Variants in KIAA0825 observed in about 807,000 individuals in gnomAD.
The protein encoded by KIAA0825 is KIAA0825.
A neutral mutation model predicts 147.6 loss-of-function variants in KIAA0825; 119 were observed. The ratio of observed to expected loss-of-function variants is 0.81; its 90% CI spans 0.69 to 0.94. The LOEUF (loss-of-function observed/expected upper bound fraction) is 0.94, where lower values mean the gene tolerates loss of function less well. Among genes scored for constraint, KIAA0825 ranks in the 40% least tolerant of loss-of-function variants. KIAA0825 has a pLI of 0.00. For synonymous variants in KIAA0825, 470 were observed against 518.1 expected (o/e 0.91, Z 1.26); for missense variants, 1,381 against 1,472.7 (o/e 0.94, Z 1.02).
intron 1 of KIAA0825, among the ~76,000 whole-genome samples, chr5:94,608,475 ATATATATATATATATAATT>A (rs1561389897): frequency 1.8e-4 from 2 of 10,858 alleles, no homozygotes; most frequent in Non-Finnish European, 3.2e-4. Flanking sequence ...TATATATATA[ATATATATATATATATAATT>A]ATATATATAT....
intron 1 of KIAA0825, among the ~76,000 whole-genome samples, chr5:94,595,123 T>C (rs190627610): frequency 1.3e-5 from 2 of 152,266 alleles, no homozygotes; most frequent in Non-Finnish European, 2.9e-5. Flanking sequence ...GGTGGCTCTC[T>C]TCTCACAGTT....
intron 5 of KIAA0825, among the ~76,000 whole-genome samples, chr5:94,509,042 AGAT>A (rs1766126295): frequency 6.6e-6 from 1 of 152,222 alleles, no homozygotes; most frequent in Admixed American, 6.5e-5. Context: ...TGTCTTATCA[AGAT>A]GATACTTGAA....
At chr5:94,577,177 T>C (rs1180976497) in intron 2 of KIAA0825, among the ~76,000 whole-genome samples, 1 of 152,176 alleles carries the variant, frequency 6.6e-6, no homozygotes, top group Non-Finnish European at 1.5e-5. Flanking sequence ...AAAAGAGACA[T>C]TTATGATCAT....
chr5:94,532,722 A>G (rs1000799452), intron 3 of KIAA0825, among the ~76,000 whole-genome samples: 1 of 144,908 alleles, frequency 6.9e-6, no homozygotes, highest in Non-Finnish European at 1.5e-5. Flanking sequence ...TTCAGTAGAG[A>G]TGGGGTATTG....
intron 20 of KIAA0825, among the ~76,000 whole-genome samples, chr5:94,162,300 G>A (rs1331552511): frequency 3.3e-5 from 5 of 152,060 alleles, no homozygotes; most frequent in African/African-American, 1.2e-4. Flanking sequence ...GAAAGTATTT[G>A]GTTATGATTT....
At chr5:94,331,083 C>G (rs540073091) in intron 20 of KIAA0825, among the ~76,000 whole-genome samples, 1 of 149,384 alleles carries the variant, frequency 6.7e-6, no homozygotes, top group East Asian at 2.0e-4. Flanking sequence ...AGTTGCAGTC[C>G]AAGATCATGC....
At position 94,593,286 on chromosome 5, in the gene KIAA0825, G is replaced by A. The variant is rs1465792811; in HGVS notation, c.-152-10703C>T. 4 of 775,636 alleles carry A rather than the reference G, an allele frequency of 5.2e-6. No homozygotes were observed. The East Asian group carries it at 9.8e-5, about 19-fold the overall frequency. The allele number at this position is 775,636 out of a possible 1,614,324, so 48.0% of individuals were successfully genotyped here. A position where few individuals can be genotyped will look rare whatever the true frequency, so the allele number is the denominator to read the frequency against. On this transcript the variant is annotated intron_variant, in intron 1 of 20. Coordinates refer to ENST00000682413, the MANE Select transcript of KIAA0825 (RefSeq NM_001145678.3). Reference sequence around the variant, plus strand: ...AGCATTTGTATTTTAGTCCATTAATGGGAAAAATAGCTGATATTGTCCATA... The same window carrying A: ...AGCATTTGTATTTTAGTCCATTAATAGGAAAAATAGCTGATATTGTCCATA...
chr5:94,199,774 C>T (rs1320780438), intron 20 of KIAA0825, among the ~76,000 whole-genome samples: 2 of 151,898 alleles, frequency 1.3e-5, no homozygotes, highest in Non-Finnish European at 2.9e-5. Flanking sequence ...TGCATGCTGG[C>T]GGGGGAGGCT....
intron 20 of KIAA0825, among the ~76,000 whole-genome samples, chr5:94,255,267 A>G (rs530314600): frequency 6.9e-4 from 105 of 151,996 alleles, no homozygotes; most frequent in African/African-American, 2.3e-3. Flanking sequence ...GATTTTTCCT[A>G]TTGGGCCTGT....
chr5:94,365,846 TGG>T (rs1343317280), intron 20 of KIAA0825, among the ~76,000 whole-genome samples: 1 of 152,240 alleles, frequency 6.6e-6, no homozygotes, highest in African/African-American at 2.4e-5. Flanking sequence ...GTCACGCAGC[TGG>T]AGGCTGCAAG....
At chr5:94,419,070 C>A (rs769133008) in intron 14 of KIAA0825, among the ~76,000 whole-genome samples, 66 of 151,958 alleles carry the variant, frequency 4.3e-4, no homozygotes, top group Non-Finnish European at 8.4e-4. Flanking sequence ...GAGATGGGGT[C>A]TTGCTCTGTT....
chr5:94,320,147 G>A (rs1254057923), intron 20 of KIAA0825, among the ~76,000 whole-genome samples: 5 of 151,994 alleles, frequency 3.3e-5, no homozygotes, highest in Middle Eastern at 6.8e-3. Flanking sequence ...CCCTATATCT[G>A]TATGGGCTTT....
At chr5:94,542,136 C>T (rs1478419781) in intron 2 of KIAA0825, among the ~76,000 whole-genome samples, 3 of 152,122 alleles carry the variant, frequency 2.0e-5, no homozygotes, top group Non-Finnish European at 4.4e-5. Context: ...AGCAGATGTT[C>T]TTGAATGCAG....
At chr5:94,499,830 T>C (rs1263928596) in intron 5 of KIAA0825, among the ~76,000 whole-genome samples, 1 of 152,182 alleles carries the variant, frequency 6.6e-6, no homozygotes, top group East Asian at 1.9e-4. Flanking sequence ...ATTCTTGTCC[T>C]TAAGGTGCTT....
chr5:94,168,470 T>C (rs1288450545), intron 20 of KIAA0825, among the ~76,000 whole-genome samples: 2 of 152,202 alleles, frequency 1.3e-5, no homozygotes, highest in African/African-American at 2.4e-5. Context: ...AGGAGAGTTA[T>C]ATACCAACAA....
At chr5:94,399,595 C>T (rs1751116289) in intron 16 of KIAA0825, among the ~76,000 whole-genome samples, 1 of 152,050 alleles carries the variant, frequency 6.6e-6, no homozygotes, top group Non-Finnish European at 1.5e-5. Flanking sequence ...AGGGAAGGAT[C>T]TTTTAAGACT....
intron 5 of KIAA0825, among the ~76,000 whole-genome samples, chr5:94,504,394 C>A (rs1239584723): frequency 1.3e-5 from 2 of 152,106 alleles, no homozygotes; most frequent in Admixed American, 1.3e-4. Context: ...GCCCAGATGC[C>A]CAGTTTTATC....
In KIAA0825 at chr5:94,469,948, C is replaced by G. The variant is rs1372357399; in HGVS notation, c.1872+13G>C. On this transcript the variant is annotated intron_variant, in intron 10 of 20. Coordinates refer to ENST00000682413, the MANE Select transcript of KIAA0825 (RefSeq NM_001145678.3). ...TTGTGTAAAAAGGAGGGATAGTAAA[C>G]TTAACTTCACACCTCATAAAAAGCT... 6.5e-7 allele frequency: 1 copy of G among 1,533,602 alleles called. No homozygotes were observed. The highest frequency in any genetic ancestry group is 8.8e-7 in the Non-Finnish European group (1 of 1,136,882). 95.0% of individuals were successfully genotyped at this position (1,533,602 alleles called of 1,614,324 possible). A position where few individuals can be genotyped will look rare whatever the true frequency, so the allele number is the denominator to read the frequency against.
chr5:94,314,144 A>T (rs2150216962), intron 20 of KIAA0825, among the ~76,000 whole-genome samples: 1 of 151,650 alleles, frequency 6.6e-6, no homozygotes, highest in South Asian at 2.1e-4. Flanking sequence ...ACACATACAC[A>T]TATGCTGTAA....
Sources: allele counts gnomAD v4.1 joint callset (sites outside exome capture counted in the v4.1 genomes callset), GRCh38; gene constraint gnomAD v4.1.1; transcripts MANE v1.5; gene names NCBI Gene and HGNC (gene_info 2026-07-23, HGNC 2026-07-21).